HIBADH: variants seen among roughly 807,000 people sequenced by gnomAD.
The protein encoded by HIBADH is 3-hydroxyisobutyrate dehydrogenase, also known as 3-hydroxyisobutyrate dehydrogenase, mitochondrial.
HIBADH carries 25 observed loss-of-function variants against 36.1 expected under a neutral mutation model. That is an observed-to-expected ratio of 0.69 (90% confidence interval 0.50 to 0.97). The LOEUF (loss-of-function observed/expected upper bound fraction) is 0.97, where lower values mean the gene tolerates loss of function less well. HIBADH is among the 50% of genes least tolerant of loss of function. The pLI is 0.00. For synonymous variants in HIBADH, 160 were observed against 149.5 expected (o/e 1.07, Z -0.51); for missense variants, 421 against 418.0 (o/e 1.01, Z -0.06).
intron 5 of HIBADH, among the ~76,000 whole-genome samples, chr7:27,539,479 G>A (rs1304943414): frequency 3.3e-5 from 5 of 151,980 alleles, no homozygotes; most frequent in Admixed American, 3.3e-4. Flanking sequence ...GTGTGTGTGT[G>A]TATTGGGAGG....
chr7:27,625,312 A>G (rs1238225535), intron 4 of HIBADH, among the ~76,000 whole-genome samples: 1 of 152,210 alleles, frequency 6.6e-6, no homozygotes, highest in East Asian at 1.9e-4. Context: ...TCACACAGGT[A>G]CCAAGTAAGC....
chr7:27,616,329 T>C (rs2128292644), intron 4 of HIBADH, among the ~76,000 whole-genome samples: 1 of 152,246 alleles, frequency 6.6e-6, no homozygotes, highest in East Asian at 1.9e-4. Context: ...CCTCCAACAC[T>C]GGGGATCAAA....
intron 4 of HIBADH, among the ~76,000 whole-genome samples, chr7:27,545,255 A>G (rs762504447): frequency 9.2e-5 from 14 of 152,136 alleles, no homozygotes; most frequent in Non-Finnish European, 1.0e-4. Flanking sequence ...AGCCTGGGCA[A>G]CACGGCGAAA....
At chr7:27,575,402 G>A (rs1227257931) in intron 4 of HIBADH, among the ~76,000 whole-genome samples, 5 of 152,190 alleles carry the variant, frequency 3.3e-5, no homozygotes, top group Admixed American at 2.6e-4. Context: ...AAGGCATGTG[G>A]AAAGAAGTAG....
At chr7:27,576,775 A>C (rs1280840122) in intron 4 of HIBADH, among the ~76,000 whole-genome samples, 1 of 152,212 alleles carries the variant, frequency 6.6e-6, no homozygotes, top group Admixed American at 6.5e-5. Flanking sequence ...TCATTAACAA[A>C]TTATGATCGA....
intron 4 of HIBADH, among the ~76,000 whole-genome samples, chr7:27,591,473 C>T (rs950758585): frequency 1.3e-4 from 19 of 151,852 alleles, no homozygotes; most frequent in Non-Finnish European, 2.1e-4. Flanking sequence ...ATGGTGTGAA[C>T]CCGGGAGGCG....
intron 4 of HIBADH, among the ~76,000 whole-genome samples, chr7:27,556,080 C>T (rs375306282): frequency 6.6e-6 from 1 of 152,208 alleles, no homozygotes; most frequent in Non-Finnish European, 1.5e-5. Flanking sequence ...TGATAAATTA[C>T]AGTATTTGAA....
At chr7:27,644,144 T>C (rs1438409310) in intron 2 of HIBADH, among the ~76,000 whole-genome samples, 1 of 152,142 alleles carries the variant, frequency 6.6e-6, no homozygotes, top group African/African-American at 2.4e-5. Flanking sequence ...TATGCAACCA[T>C]GATGACAATC....
At chr7:27,550,765 T>C (rs1784306690) in intron 4 of HIBADH, among the ~76,000 whole-genome samples, 2 of 152,208 alleles carry the variant, frequency 1.3e-5, no homozygotes, top group Admixed American at 6.5e-5. Context: ...TCATGAGCTG[T>C]TTGAATCTTT....
chr7:27,559,474 T>A (rs1784435633), intron 4 of HIBADH, among the ~76,000 whole-genome samples: 1 of 151,952 alleles, frequency 6.6e-6, no homozygotes, highest in South Asian at 2.1e-4. Context: ...ATTTAAAAAA[T>A]AAAGAAAATT....
At chr7:27,639,656 T>C (rs2128295658) in intron 2 of HIBADH, among the ~76,000 whole-genome samples, 1 of 152,332 alleles carries the variant, frequency 6.6e-6, no homozygotes, top group African/African-American at 2.4e-5. Context: ...ACACTCATTT[T>C]CTGAGTCCAT....
At chr7:27,549,810 TTGATA>T (rs1341741552) in intron 4 of HIBADH, among the ~76,000 whole-genome samples, 4 of 152,208 alleles carry the variant, frequency 2.6e-5, no homozygotes, top group African/African-American at 9.6e-5. Flanking sequence ...GCAGTTTTAT[TTGATA>T]TAAGAATGAA....
At chr7:27,644,683 C>A (rs866443965) in intron 2 of HIBADH, among the ~76,000 whole-genome samples, 3 of 150,580 alleles carry the variant, frequency 2.0e-5, no homozygotes, top group African/African-American at 7.3e-5. Context: ...AAGAATCACT[C>A]GAACCCAGGA....
At chr7:27,569,629 T>C (rs1784600518) in intron 4 of HIBADH, among the ~76,000 whole-genome samples, 1 of 152,010 alleles carries the variant, frequency 6.6e-6, no homozygotes, top group African/African-American at 2.4e-5. Flanking sequence ...CTCCCTCTTA[T>C]CTGTGAAGGG....
chr7:27,530,378 T>A (rs2128182787), intron 7 of HIBADH, among the ~76,000 whole-genome samples: 1 of 152,260 alleles, frequency 6.6e-6, no homozygotes, highest in South Asian at 2.1e-4. Context: ...ACTAATTTTT[T>A]TTATTTTTAG....
At chr7:27,565,785 T>C (rs1227586832) in intron 4 of HIBADH, among the ~76,000 whole-genome samples, 1 of 152,192 alleles carries the variant, frequency 6.6e-6, no homozygotes, top group Non-Finnish European at 1.5e-5. Context: ...GTTTTTGTTT[T>C]AGTACATGCC....
chr7:27,633,292 T>G (rs533948628), intron 2 of HIBADH, among the ~76,000 whole-genome samples: 1 of 152,306 alleles, frequency 6.6e-6, no homozygotes, highest in Non-Finnish European at 1.5e-5. Flanking sequence ...TTGATAAACC[T>G]GGCCAGCCAA....
At chr7:27,644,410 G>C (rs13246464) in intron 2 of HIBADH, among the ~76,000 whole-genome samples, 114,961 of 151,754 alleles carry the variant, frequency 0.76, 43,975 homozygotes, top group East Asian at 0.94. Flanking sequence ...GACCAGTCTA[G>C]CCAGTATGGT....
chr7:27,578,799 C>G (rs990833866), intron 4 of HIBADH, among the ~76,000 whole-genome samples: 1 of 152,088 alleles, frequency 6.6e-6, no homozygotes, highest in Non-Finnish European at 1.5e-5. Flanking sequence ...GAGGTTAGGA[C>G]TCTAAGAAAA....
Sources: gnomAD v4.1 joint callset for allele counts (sites outside exome capture counted in the v4.1 genomes callset) on GRCh38, gnomAD v4.1.1 for gene constraint, MANE v1.5 for transcripts, NCBI Gene and HGNC (gene_info 2026-07-23, HGNC 2026-07-21) for gene names.